Variants in COL4A2 observed in about 807,000 individuals in gnomAD.
COL4A2 encodes the protein collagen type IV alpha 2 chain, also known as collagen alpha-2(IV) chain.
A neutral mutation model predicts 200.2 loss-of-function variants in COL4A2; 99 were observed. That is an observed-to-expected ratio of 0.49 (90% CI 0.42 to 0.58). The LOEUF is 0.58. COL4A2 is among the 20% of genes least tolerant of loss of function. COL4A2 has a pLI of 0.00. For synonymous variants in COL4A2, 897 were observed against 900.6 expected (o/e 1.00, Z 0.07); for missense variants, 1,950 against 2,314.1 (o/e 0.84, Z 3.23).
At chr13:110,388,709 A>G (rs999568263) in intron 4 of COL4A2, among the ~76,000 whole-genome samples, 11 of 152,242 alleles carry the variant, frequency 7.2e-5, no homozygotes, top group Non-Finnish European at 1.6e-4. Flanking sequence ...ACTAGTGTGC[A>G]GCACAGACTC....
Position 110,390,350 on chromosome 13 carries a change from A to G in COL4A2, c.180+32798A>G, listed in dbSNP as rs1878940103. 1.3e-5 allele frequency among the ~76,000 whole-genome samples: 2 copies of G among 152,228 alleles called. 1 individual carries two copies. Among genetic ancestry groups the G allele is most frequent in the South Asian group, 4.1e-4 (2 of 4,836 alleles). ...GAAGGTGGCTGGAGTCTCTGTCTCC[A>G]CAGATTCCCAAAGGTCACGCAGTGA... On this transcript the variant is annotated intron_variant, in intron 4 of 47. Transcript: ENST00000360467.
At chr13:110,459,115 T>A in intron 22 of COL4A2, 181 bp downstream of exon 22, 1 of 540,416 alleles carries the variant, frequency 1.9e-6, no homozygotes, top group Non-Finnish European at 3.1e-6. Context: ...ACATGTCCAC[T>A]GGTGAGACTG....
At chr13:110,485,611 G>C (rs771140577) in intron 33 of COL4A2, 44 bp from the exon 34 acceptor site, 3 of 1,497,078 alleles carry the variant, frequency 2.0e-6, no homozygotes, top group Admixed American at 4.4e-5. Flanking sequence ...GAGGGCGGGT[G>C]CTGCGTCCTC....
chr13:110,350,367 A>G (rs545118837), intron 3 of COL4A2, among the ~76,000 whole-genome samples: 1 of 152,320 alleles, frequency 6.6e-6, no homozygotes, highest in South Asian at 2.1e-4. Flanking sequence ...CTCTAGAAGG[A>G]TATTTTGAAT....
At chr13:110,404,043 G>T (rs984595928) in intron 4 of COL4A2, among the ~76,000 whole-genome samples, 3 of 152,060 alleles carry the variant, frequency 2.0e-5, no homozygotes, top group African/African-American at 7.2e-5. Context: ...ACTCACCAGG[G>T]CTGTACCCCC....
intron 4 of COL4A2, among the ~76,000 whole-genome samples, chr13:110,422,834 T>C (rs12869311): frequency 0.34 from 50,969 of 152,090 alleles, 9,714 homozygotes; most frequent in African/African-American, 0.52. Context: ...GGTGAGATCT[T>C]CCCACACCCC....
At chr13:110,408,049 G>A (rs1171548809) in intron 4 of COL4A2, among the ~76,000 whole-genome samples, 4 of 152,324 alleles carry the variant, frequency 2.6e-5, no homozygotes, top group African/African-American at 7.2e-5. Flanking sequence ...CACTGAAGCC[G>A]TTTGGTGTGA....
chr13:110,317,484 A>G lies in COL4A2; in HGVS notation c.99+9361A>G, dbSNP rs141272252. Among the ~76,000 whole-genome samples, 479 of 152,320 alleles carry G rather than the reference A, an allele frequency of 3.1e-3. 2 individuals carry two copies. The highest frequency in any genetic ancestry group is 0.011 in the African/African-American group (470 of 41,572). On this transcript the variant is annotated intron_variant, in intron 3 of 47. Coordinates refer to ENST00000360467, the MANE Select transcript of COL4A2 (RefSeq NM_001846.4). ...AAAAAGACTATACCTGCCTCTGGGG[A>G]GCATCAAACAGACCTGTTTCTTTAG...
At position 110,421,509 on chromosome 13, in the gene COL4A2, T is replaced by C. The variant is rs534816354; in HGVS notation, c.181-3225T>C. Among the ~76,000 whole-genome samples, 4 of 152,310 alleles carry C rather than the reference T, an allele frequency of 2.6e-5. No homozygotes were observed. In the East Asian group the frequency reaches 7.7e-4, roughly 29 times the overall value. On this transcript the variant is annotated intron_variant, in intron 4 of 47. Coordinates refer to ENST00000360467, the MANE Select transcript of COL4A2 (RefSeq NM_001846.4). Reference sequence around the variant, plus strand: ...CACATCGTATGACTGATTCTATTTATTGGTAAATCCGTAGAGACAGAAAGC... The same window carrying C: ...CACATCGTATGACTGATTCTATTTACTGGTAAATCCGTAGAGACAGAAAGC...
At chr13:110,430,678 A>G (rs1261842476) in intron 10 of COL4A2, 71 bp downstream of exon 10, 1 of 1,589,216 alleles carries the variant, frequency 6.3e-7, no homozygotes, top group African/African-American at 1.3e-5. Flanking sequence ...CCACTTCTTC[A>G]ATGGTTGACT....
At chr13:110,339,548 C>T (rs991293569) in intron 3 of COL4A2, among the ~76,000 whole-genome samples, 1 of 152,124 alleles carries the variant, frequency 6.6e-6, no homozygotes, top group Non-Finnish European at 1.5e-5. Context: ...CCTCCAGCAG[C>T]ACAGCCCCTT....
rs1161246747 is a variant in COL4A2 at position 110,446,783 on chromosome 13, C to G, written c.1012-15C>G. On this transcript the variant is annotated splice_polypyrimidine_tract_variant and intron_variant, in intron 17 of 47. Transcript: ENST00000360467. Reference sequence around the variant, plus strand: ...GGCTATTCTCACATCCTGTTTTTCTCTTTTCTTTCTCTAGGGAGAAGCCGG... The same window carrying G: ...GGCTATTCTCACATCCTGTTTTTCTGTTTTCTTTCTCTAGGGAGAAGCCGG... 1 of 1,607,940 alleles carries G rather than the reference C, an allele frequency of 6.2e-7. No homozygotes were observed. The highest frequency in any genetic ancestry group is 2.2e-5 in the East Asian group (1 of 44,676).
chr13:110,414,589 G>A (rs35370478), intron 4 of COL4A2, among the ~76,000 whole-genome samples: 4,455 of 152,248 alleles, frequency 0.029, 84 homozygotes, highest in Non-Finnish European at 0.041. Flanking sequence ...CGACCCCCCC[G>A]ATCTCTCTCA....
chr13:110,493,353 CCCT>C, intron 39 of COL4A2, 71 bp downstream of exon 39: 1 of 1,504,342 alleles, frequency 6.6e-7, no homozygotes, highest in East Asian at 2.3e-5. Context: ...GCTGAGTCTG[CCCT>C]CCAGACTTCA....
At chr13:110,314,694 G>A (rs768012996) in intron 3 of COL4A2, among the ~76,000 whole-genome samples, 2 of 152,190 alleles carry the variant, frequency 1.3e-5, no homozygotes, top group Non-Finnish European at 2.9e-5. Flanking sequence ...TCGCTGCAAG[G>A]ACAGAAAACT....
At chr13:110,348,018 G>A (rs1876789547) in intron 3 of COL4A2, among the ~76,000 whole-genome samples, 2 of 152,244 alleles carry the variant, frequency 1.3e-5, no homozygotes, top group African/African-American at 4.8e-5. Context: ...CTTCCAGACA[G>A]GAAGGACGTC....
In COL4A2 at chr13:110,420,729, A is replaced by G. The variant is rs11842393; in HGVS notation, c.181-4005A>G. 9.9e-3 allele frequency among the ~76,000 whole-genome samples: 1,513 copies of G among 152,310 alleles called. 29 individuals are homozygous for G. Among genetic ancestry groups the G allele is most frequent in the African/African-American group, 0.034 (1,423 of 41,562 alleles). ...ATTAGCACAGAGGAAAACCCTTGGC[A>G]TGTACCTGGTCCTCCCAGCTGCTCT... On this transcript the variant is annotated intron_variant, in intron 4 of 47. Coordinates refer to ENST00000360467, the MANE Select transcript of COL4A2 (RefSeq NM_001846.4).
In COL4A2 at chr13:110,308,139, C is replaced by T. The variant is rs200523295; in HGVS notation, c.99+16C>T. ...CGTCTTGGCGGTAAGTCCTGGCTCC[C>T]GCGCTTGGACTTGCGCGCCCGAGAG... On this transcript the variant is annotated intron_variant, in intron 3 of 47. Transcript: ENST00000360467. The T allele has an allele frequency of 2.0e-4, 323 of 1,613,094 alleles. 2 individuals are homozygous for T. The East Asian group carries it at 7.0e-3, about 35-fold the overall frequency.
rs757107104 is a variant in COL4A2, at chr13:110,438,080, G to C, written c.861+43G>C. 3.8e-6 allele frequency: 6 copies of C among 1,568,032 alleles called. No individual in the cohort carries two copies. In the South Asian group the frequency reaches 6.7e-5, roughly 18 times the overall value. On this transcript the variant is annotated intron_variant, in intron 14 of 47. Coordinates refer to ENST00000360467, the MANE Select transcript of COL4A2 (RefSeq NM_001846.4). ...CATGCCCCCTCCCCTGTGGCTCCTGGGCTGTCGGCGCTCTGCCAGGCATGA... is the reference window on the plus strand; with the variant it reads ...CATGCCCCCTCCCCTGTGGCTCCTGCGCTGTCGGCGCTCTGCCAGGCATGA...
Sources: gnomAD v4.1 joint callset for allele counts (sites outside exome capture counted in the v4.1 genomes callset) on GRCh38, gnomAD v4.1.1 for gene constraint, MANE v1.5 for transcripts, NCBI Gene and HGNC (gene_info 2026-07-23, HGNC 2026-07-21) for gene names.